The following ASXL3 variants were observed in gnomAD, a reference collection of about 807,000 sequenced individuals.
The protein encoded by ASXL3 is ASXL transcriptional regulator 3.
In ASXL3, 34 loss-of-function variants were observed where a neutral mutation model predicts 170.6. The ratio of observed to expected loss-of-function variants is 0.20; its 90% confidence interval spans 0.15 to 0.27. The LOEUF (loss-of-function observed/expected upper bound fraction) is 0.27. Among genes scored for constraint, ASXL3 ranks in the 10% least tolerant of loss-of-function variants. ASXL3 has a pLI of 1.00. For synonymous variants in ASXL3, 1,002 were observed against 989.1 expected (o/e 1.01, Z -0.24); for missense variants, 2,592 against 2,695.3 (o/e 0.96, Z 0.85).
At chr18:33,723,699 A>G (rs187899971) in intron 8 of ASXL3, among the ~76,000 whole-genome samples, 5 of 152,200 alleles carry the variant, frequency 3.3e-5, no homozygotes, top group Non-Finnish European at 7.3e-5. Context: ...AATTGACTCC[A>G]ATTTTGAAAG....
At chr18:33,600,181 T>G (rs556971744) in intron 1 of ASXL3, among the ~76,000 whole-genome samples, 3 of 152,124 alleles carry the variant, frequency 2.0e-5, no homozygotes, top group Non-Finnish European at 4.4e-5. Context: ...TAAGGATCTA[T>G]TAGTCTGGAA....
intron 9 of ASXL3, among the ~76,000 whole-genome samples, chr18:33,732,636 G>T (rs952860052): frequency 3.9e-5 from 6 of 151,964 alleles, no homozygotes; most frequent in African/African-American, 1.2e-4. Context: ...CAGGCAGATC[G>T]CTTGAGCTCA....
Position 33,745,853 on chromosome 18 carries a change from T to C in ASXL3, c.6005T>C (p.Val2002Ala). The C allele has an allele frequency of 6.2e-7, 1 of 1,613,774 alleles. No homozygotes were observed. The highest frequency in any genetic ancestry group is 1.3e-5 in the African/African-American group (1 of 74,994). The change falls in exon 12 of 12, where the codon GTG (valine) becomes GCG (alanine). Residue 2002 changes from valine to alanine, a missense_variant. Physicochemically the swap from Val to Ala is moderately conservative, Grantham distance 64 (BLOSUM62 0). Around this residue, in one of 4 missense-constraint regions of ASXL3, gnomAD observed 2,246 missense variants for 2,219.6 expected, o/e 1.01. Transcript: ENST00000269197. The stretch of plus-strand genomic sequence containing the variant: ...ATGCCCATGAAAGAAGGTGATGAGG[T>C]GGGAGGCACTGCACACACAATGCCA... ...PNMPMKEGDEVGGTAHTMPNK... is the reference protein window; with the variant it reads ...PNMPMKEGDEAGGTAHTMPNK...
At chr18:33,654,265 A>T (rs2066047407) in intron 4 of ASXL3, among the ~76,000 whole-genome samples, 1 of 152,018 alleles carries the variant, frequency 6.6e-6, no homozygotes, top group Non-Finnish European at 1.5e-5. Flanking sequence ...ACTTCTCAAA[A>T]ACAGAATTGA....
intron 4 of ASXL3, among the ~76,000 whole-genome samples, chr18:33,653,352 C>G (rs548239681): frequency 6.6e-6 from 1 of 152,170 alleles, no homozygotes; most frequent in South Asian, 2.1e-4. Context: ...ACCAGGTCCC[C>G]TAATTTTGGG....
intron 1 of ASXL3, among the ~76,000 whole-genome samples, chr18:33,582,165 A>G (rs1281785350): frequency 1.3e-5 from 2 of 152,224 alleles, no homozygotes; most frequent in Non-Finnish European, 2.9e-5. Context: ...TAATATTTGT[A>G]GACCACAATA....
chr18:33,645,334 T>G (rs907433146), intron 3 of ASXL3, among the ~76,000 whole-genome samples: 1 of 151,942 alleles, frequency 6.6e-6, no homozygotes, highest in Non-Finnish European at 1.5e-5. Context: ...ACTCTTTGAC[T>G]TAATGACCGT....
chr18:33,694,605 CTTTTT>C (rs1050791173), intron 8 of ASXL3, among the ~76,000 whole-genome samples: 1 of 146,918 alleles, frequency 6.8e-6, no homozygotes, highest in Non-Finnish European at 1.5e-5. Context: ...GTTGTGCCTG[CTTTTT>C]TTTTTGTCCA....
chr18:33,647,835 G>A (rs948128966), intron 4 of ASXL3, among the ~76,000 whole-genome samples: 1 of 152,054 alleles, frequency 6.6e-6, no homozygotes, highest in African/African-American at 2.4e-5. Context: ...GTGGTGACAA[G>A]TGATATGGGG....
chr18:33,732,117 C>T, intron 9 of ASXL3, 53 bp downstream of exon 9: 1 of 1,406,644 alleles, frequency 7.1e-7, no homozygotes, highest in Non-Finnish European at 9.9e-7. Flanking sequence ...ACATACCGTA[C>T]TGAGCTTGTA....
At chr18:33,740,731 C>T (rs1477182252) in intron 11 of ASXL3, among the ~76,000 whole-genome samples, 2 of 152,130 alleles carry the variant, frequency 1.3e-5, no homozygotes, top group Admixed American at 1.3e-4. Flanking sequence ...ATGGGGATTT[C>T]AAGGTGTAGT....
At chr18:33,690,266 G>A (rs902496070) in intron 8 of ASXL3, 3 of 152,176 alleles carry the variant, frequency 2.0e-5, no homozygotes, top group African/African-American at 7.2e-5. Context: ...CTTTCTTCAA[G>A]AAGCCATGGT....
chr18:33,607,455 C>G (rs1383865369), intron 1 of ASXL3, 139 bp from the exon 2 acceptor site: 1 of 695,438 alleles, frequency 1.4e-6, no homozygotes, highest in African/African-American at 1.9e-5. Flanking sequence ...CTTTGGACAC[C>G]TGATCTGTAT....
chr18:33,735,286 G>A (rs2067525095), intron 10 of ASXL3, among the ~76,000 whole-genome samples: 3 of 152,140 alleles, frequency 2.0e-5, no homozygotes, highest in African/African-American at 4.8e-5. Flanking sequence ...GGAGTCTCAC[G>A]TGAGAGCTCT....
chr18:33,669,213 TGAA>T (rs2066304428), intron 5 of ASXL3, among the ~76,000 whole-genome samples: 2 of 152,312 alleles, frequency 1.3e-5, no homozygotes, highest in South Asian at 2.1e-4. Flanking sequence ...GTATACATCT[TGAA>T]GAAAGAGTAA....
chr18:33,630,898 T>A (rs2145171540), intron 2 of ASXL3, among the ~76,000 whole-genome samples: 1 of 152,142 alleles, frequency 6.6e-6, no homozygotes, highest in Admixed American at 6.5e-5. Context: ...TTCTTCAACA[T>A]GTAATATGTG....
At chr18:33,690,216 C>A (rs2066665366) in intron 8 of ASXL3, 1 of 152,018 alleles carries the variant, frequency 6.6e-6, no homozygotes, top group African/African-American at 2.4e-5. Flanking sequence ...GTGTTCTGAT[C>A]TTATAGTATA....
intron 7 of ASXL3, among the ~76,000 whole-genome samples, chr18:33,675,729 G>A (rs1421273071): frequency 6.6e-6 from 1 of 152,068 alleles, no homozygotes; most frequent in Non-Finnish European, 1.5e-5. Context: ...TAGCATCTAA[G>A]GAGTGTAGCC....
chr18:33,601,722 G>A (rs551727432), intron 1 of ASXL3, among the ~76,000 whole-genome samples: 1 of 144,086 alleles, frequency 6.9e-6, no homozygotes, highest in East Asian at 2.0e-4. Context: ...ATTTTGACAG[G>A]TCCTATACCA....
Sources: gnomAD v4.1 joint callset for allele counts (sites outside exome capture counted in the v4.1 genomes callset) on GRCh38, gnomAD v4.1.1 for gene constraint, gnomAD v4.1.1 regional missense constraint, MANE v1.5 for transcripts, NCBI Gene and HGNC (gene_info 2026-07-23, HGNC 2026-07-21) for gene names.